The following MBNL3 variants were observed in gnomAD, a reference collection of about 807,000 sequenced individuals.
The protein encoded by MBNL3 is muscleblind-like protein 3.
A neutral mutation model predicts 24.5 loss-of-function variants in MBNL3; 6 were observed. That is an observed-to-expected ratio of 0.25 (90% CI 0.13 to 0.48). The LOEUF is 0.48. Ranked by LOEUF, MBNL3 falls within the 20% of genes least tolerant of loss-of-function variation. The pLI is 0.99. For missense variants in MBNL3, 230 were observed against 293.5 expected (o/e 0.78, Z 1.58); for synonymous variants, 100 against 101.7 (o/e 0.98, Z 0.10).
At chrX:132,423,184 A>G (rs1437485887) in intron 2 of MBNL3, among the ~76,000 whole-genome samples, 1 of 111,834 alleles carries the variant, frequency 8.9e-6, no homozygotes, top group Non-Finnish European at 1.9e-5. Flanking sequence ...TACTCCTAGG[A>G]AACACATTCA....
intron 1 of MBNL3, among the ~76,000 whole-genome samples, chrX:132,445,547 A>C (rs1945662178): frequency 9.0e-6 from 1 of 111,521 alleles, no homozygotes; most frequent in Admixed American, 9.5e-5. Flanking sequence ...CTGGGATAGT[A>C]AATTCCATAT....
In MBNL3 at chrX:132,406,245, C is replaced by T. The variant is rs757276951; in HGVS notation, c.325G>A (p.Ala109Thr). The stretch of plus-strand genomic sequence containing the variant: ...CGACTTACAAGTGATGACATTTGAG[C>T]GTTTTGGAGCATAAGCTGCATCTGC... Reference protein sequence around the residue: ...AQQMQLMLQNAQMSSLGSFPM... With the variant: ...AQQMQLMLQNTQMSSLGSFPM... The change falls in exon 3 of 9, where the codon GCT (alanine) becomes ACT (threonine). Residue 109 changes from alanine to threonine, a missense_variant. Physicochemically the swap from Ala to Thr is moderately conservative, Grantham distance 58 (BLOSUM62 0). Coordinates refer to ENST00000370853, the MANE Select transcript of MBNL3 (RefSeq NM_001386889.1). The T allele has an allele frequency of 1.7e-6, 2 of 1,211,188 alleles. No individual in the cohort carries two copies. Among genetic ancestry groups the T allele is most frequent in the Non-Finnish European group, 2.2e-6 (2 of 895,297 alleles).
intron 1 of MBNL3, among the ~76,000 whole-genome samples, chrX:132,481,632 T>A (rs940845342): frequency 1.8e-5 from 2 of 111,956 alleles, no homozygotes; most frequent in Non-Finnish European, 3.8e-5. Flanking sequence ...ACATTTTAGA[T>A]CCTTTTATGA....
At chrX:132,408,129 T>A (rs1791443193) in intron 2 of MBNL3, among the ~76,000 whole-genome samples, 1 of 59,716 alleles carries the variant, frequency 1.7e-5, no homozygotes, top group Non-Finnish European at 3.1e-5. Context: ...TTTTTTTTTT[T>A]TTTTTTTTTT....
intron 3 of MBNL3, among the ~76,000 whole-genome samples, chrX:132,394,497 C>T (rs750768281): frequency 6.2e-5 from 7 of 112,053 alleles, no homozygotes; most frequent in South Asian, 3.8e-4. Context: ...CTTGACTTTT[C>T]GTTGTCTCTG....
intron 1 of MBNL3, among the ~76,000 whole-genome samples, chrX:132,472,912 C>T (rs1286757024): frequency 9.0e-6 from 1 of 111,349 alleles, no homozygotes; most frequent in Non-Finnish European, 1.9e-5. Context: ...AATATTAAAC[C>T]AGAGTGCAGA....
chrX:132,399,803 G>GT (rs1940540159), intron 3 of MBNL3, among the ~76,000 whole-genome samples: 1 of 99,156 alleles, frequency 1.0e-5, no homozygotes, highest in African/African-American at 3.7e-5. Context: ...CAACCTGCAG[G>GT]TAAAAAAAAA....
intron 2 of MBNL3, among the ~76,000 whole-genome samples, chrX:132,427,008 T>C (rs887253008): frequency 2.7e-5 from 3 of 111,771 alleles, no homozygotes; most frequent in African/African-American, 6.5e-5. Context: ...CAAATAGTCT[T>C]ACAAATTCAG....
chrX:132,412,564 G>A (rs745645462), intron 2 of MBNL3, among the ~76,000 whole-genome samples: 5 of 112,255 alleles, frequency 4.5e-5, no homozygotes, highest in Non-Finnish European at 9.4e-5. Context: ...CTTTGTTTAC[G>A]TTAAACATTT....
At position 132,438,749 on chromosome X, in the gene MBNL3, G is replaced by C. The variant is rs766654100; in HGVS notation, c.177+686C>G. Among the ~76,000 whole-genome samples the C allele has an allele frequency of 3.9e-5, 4 of 103,793 alleles. No individual in the cohort carries two copies. The South Asian group carries it at 1.9e-3, about 48-fold the overall frequency. 90.1% of individuals were successfully genotyped at this position (103,793 alleles called of 115,157 possible). On this transcript the variant is annotated intron_variant, in intron 2 of 8. Transcript: ENST00000370853. ...GGCCTCATATTTTGTTTATAATCTAGTATGTAATACTCAGGCTTGATGACC... is the reference window on the plus strand; with the variant it reads ...GGCCTCATATTTTGTTTATAATCTACTATGTAATACTCAGGCTTGATGACC...
intron 6 of MBNL3, 44 bp from the exon 7 acceptor site, chrX:132,384,742 G>A: frequency 1.0e-6 from 1 of 998,534 alleles, no homozygotes. Context: ...AGAGATATTT[G>A]ATTATTAAGG....
At chrX:132,431,380 AT>A (rs748395120) in intron 2 of MBNL3, 1 of 111,782 alleles carries the variant, frequency 8.9e-6, no homozygotes, top group African/African-American at 3.3e-5. Context: ...ACTCATGGGC[AT>A]CTATTTTATT....
At chrX:132,416,604 C>A (rs1047077029) in intron 2 of MBNL3, among the ~76,000 whole-genome samples, 1 of 111,416 alleles carries the variant, frequency 9.0e-6, no homozygotes, top group African/African-American at 3.3e-5. Flanking sequence ...GTTCCTAACA[C>A]GAAGAAATGA....
At chrX:132,411,952 A>G (rs1307290234) in intron 2 of MBNL3, among the ~76,000 whole-genome samples, 2 of 111,287 alleles carry the variant, frequency 1.8e-5, no homozygotes, top group East Asian at 2.8e-4. Flanking sequence ...TTCTCTTGCT[A>G]TTTTCTTTCA....
At chrX:132,381,220 A>T (rs1479638725) in intron 8 of MBNL3, 1 of 345,691 alleles carries the variant, frequency 2.9e-6, no homozygotes, top group Non-Finnish European at 4.9e-6. Flanking sequence ...TGGAAAATTT[A>T]TAATGTGTAA....
At chrX:132,419,372 TAAGAG>T (rs1375064890) in intron 2 of MBNL3, among the ~76,000 whole-genome samples, 9 of 111,688 alleles carry the variant, frequency 8.1e-5, no homozygotes, top group African/African-American at 2.6e-4. Flanking sequence ...ATCACCTCCC[TAAGAG>T]AAGAATCTTT....
rs748617918 is a variant in MBNL3, at chrX:132,390,721, C to A, written c.771+126G>T. 5 of 500,898 alleles carry A rather than the reference C, an allele frequency of 1.0e-5. No individual in the cohort carries two copies. In the East Asian group the frequency reaches 1.3e-4, roughly 13 times the overall value. 41.3% of individuals were successfully genotyped at this position (500,898 alleles called of 1,213,427 possible). A position where few individuals can be genotyped will look rare whatever the true frequency, so the allele number is the denominator to read the frequency against. On this transcript the variant is annotated intron_variant, in intron 5 of 8. Coordinates refer to ENST00000370853, the MANE Select transcript of MBNL3 (RefSeq NM_001386889.1). Reference sequence around the variant, plus strand: ...AGGTTCTTTCTTTTCCAGCTTATAACCTTGACTGTTCATATTAAGGTCCTC... The same window carrying A: ...AGGTTCTTTCTTTTCCAGCTTATAAACTTGACTGTTCATATTAAGGTCCTC...
intron 1 of MBNL3, among the ~76,000 whole-genome samples, chrX:132,482,272 A>ATCCATCACCC (rs1947778573): frequency 8.9e-6 from 1 of 112,797 alleles, no homozygotes; most frequent in African/African-American, 3.2e-5. Context: ...GGTGATGGAT[A>ATCCATCACCC]TGCTAAATAC....
At chrX:132,448,831 C>G (rs1266335367) in intron 1 of MBNL3, among the ~76,000 whole-genome samples, 2 of 111,860 alleles carry the variant, frequency 1.8e-5, no homozygotes, top group African/African-American at 6.5e-5. Flanking sequence ...GAGATTCTGG[C>G]ACATTGTGTC....
Sources: allele counts gnomAD v4.1 joint callset (sites outside exome capture counted in the v4.1 genomes callset), GRCh38; gene constraint gnomAD v4.1.1; transcripts MANE v1.5; gene names NCBI Gene and HGNC (gene_info 2026-07-23, HGNC 2026-07-21).